Variants in SDK1 observed in about 807,000 individuals in gnomAD.
The protein encoded by SDK1 is sidekick cell adhesion molecule 1.
SDK1 carries 157 observed loss-of-function variants against 245.5 expected under a neutral mutation model. The observed-to-expected ratio is 0.64, with a 90% CI of 0.56 to 0.73. The LOEUF (loss-of-function observed/expected upper bound fraction) is 0.73. Ranked by LOEUF, SDK1 falls within the 30% of genes least tolerant of loss-of-function variation. SDK1 has a pLI of 0.00. For missense variants in SDK1, 3,583 were observed against 3,002.3 expected (o/e 1.19, Z -4.52); for synonymous variants, 1,647 against 1,278.5 (o/e 1.29, Z -6.15).
intron 1 of SDK1, among the ~76,000 whole-genome samples, chr7:3,371,784 C>T (rs762142490): frequency 6.6e-6 from 1 of 152,172 alleles, no homozygotes; most frequent in Admixed American, 6.5e-5. Flanking sequence ...AAACTGAAGT[C>T]ATCTGGAAAA....
chr7:3,441,043 G>A (rs1048860875), intron 1 of SDK1, among the ~76,000 whole-genome samples: 9 of 152,098 alleles, frequency 5.9e-5, no homozygotes, highest in African/African-American at 1.4e-4. Flanking sequence ...CAATGCATAC[G>A]TCTTTCACCC....
At chr7:4,166,662 A>G (rs564447197) in intron 32 of SDK1, among the ~76,000 whole-genome samples, 1 of 152,338 alleles carries the variant, frequency 6.6e-6, no homozygotes, top group African/African-American at 2.4e-5. Context: ...ACAGGATGGA[A>G]AGTGAAAGCT....
chr7:3,324,091 G>T (rs1212115061), intron 1 of SDK1, among the ~76,000 whole-genome samples: 1 of 152,116 alleles, frequency 6.6e-6, no homozygotes, highest in African/African-American at 2.4e-5. Context: ...GTAAAATCTG[G>T]TATCTATTCT....
chr7:3,993,568 T>C (rs1784502316), intron 14 of SDK1, among the ~76,000 whole-genome samples: 1 of 152,258 alleles, frequency 6.6e-6, no homozygotes, highest in Non-Finnish European at 1.5e-5. Flanking sequence ...TTTATTATTC[T>C]AGTTATGCAT....
chr7:3,605,063 T>A (rs1315708210), intron 1 of SDK1, among the ~76,000 whole-genome samples: 2 of 151,990 alleles, frequency 1.3e-5, no homozygotes, highest in South Asian at 2.1e-4. Context: ...TTCTTTTAAT[T>A]TTTTTTAGGT....
At chr7:4,142,352 A>C (rs1779633272) in intron 28 of SDK1, among the ~76,000 whole-genome samples, 1 of 152,190 alleles carries the variant, frequency 6.6e-6, no homozygotes, top group East Asian at 1.9e-4. Context: ...TGCTGGAGAC[A>C]GAGTCTTGCT....
At chr7:4,174,562 G>A (rs1311378107) in intron 33 of SDK1, among the ~76,000 whole-genome samples, 4 of 152,192 alleles carry the variant, frequency 2.6e-5, no homozygotes, top group African/African-American at 9.7e-5. Context: ...AGCTGCGGAG[G>A]CAGAGGGGCC....
intron 14 of SDK1, among the ~76,000 whole-genome samples, chr7:4,006,714 G>T (rs78796408): frequency 6.6e-6 from 1 of 152,278 alleles, no homozygotes; most frequent in East Asian, 1.9e-4. Context: ...AGAGGAAAAA[G>T]AATAAAGAAA....
intron 5 of SDK1, among the ~76,000 whole-genome samples, chr7:3,827,186 A>G (rs887605309): frequency 2.0e-5 from 3 of 152,144 alleles, no homozygotes; most frequent in African/African-American, 7.2e-5. Flanking sequence ...GAAGCTCAAT[A>G]TGCCCGGTTT....
chr7:4,009,900 G>A lies in SDK1; in HGVS notation c.2132-1066G>A, dbSNP rs149063657. Among the ~76,000 whole-genome samples the A allele has an allele frequency of 1.7e-3, 264 of 152,314 alleles. 1 individual carries two copies. Among genetic ancestry groups the A allele is most frequent in the Middle Eastern group, 0.014 (4 of 294 alleles). ...AATGAGCTCGCAGGCGCAGACTTAC[G>A]AATCCCCGCGGTTGGGGCTGCAGGT... On this transcript the variant is annotated intron_variant, in intron 14 of 44. Coordinates refer to ENST00000404826, the MANE Select transcript of SDK1 (RefSeq NM_152744.4).
intron 5 of SDK1, among the ~76,000 whole-genome samples, chr7:3,889,646 T>G (rs1781411550): frequency 6.6e-6 from 1 of 152,206 alleles, no homozygotes; most frequent in Non-Finnish European, 1.5e-5. Flanking sequence ...TAGCTGGGAC[T>G]ACAGGTGCCC....
intron 4 of SDK1, among the ~76,000 whole-genome samples, chr7:3,726,560 C>T (rs193114201): frequency 6.6e-6 from 1 of 152,292 alleles, no homozygotes; most frequent in Non-Finnish European, 1.5e-5. Flanking sequence ...TTATCCATTG[C>T]AAGGCAATTG....
chr7:3,374,400 A>G (rs1781303328), intron 1 of SDK1, among the ~76,000 whole-genome samples: 1 of 152,150 alleles, frequency 6.6e-6, no homozygotes, highest in African/African-American at 2.4e-5. Context: ...TTTTCTTCAC[A>G]TAAATCGTGT....
intron 16 of SDK1, among the ~76,000 whole-genome samples, chr7:4,012,977 T>C (rs1339812753): frequency 6.6e-6 from 1 of 152,226 alleles, no homozygotes; most frequent in Non-Finnish European, 1.5e-5. Context: ...ATGTAATTAT[T>C]AGCCAGTTGT....
At chr7:3,607,237 C>T (rs776105043) in intron 1 of SDK1, among the ~76,000 whole-genome samples, 29 of 152,040 alleles carry the variant, frequency 1.9e-4, no homozygotes, top group African/African-American at 6.3e-4. Flanking sequence ...CCTTTGGGTT[C>T]AGTGATAAAG....
At chr7:3,474,723 C>A (rs1583912803) in intron 1 of SDK1, among the ~76,000 whole-genome samples, 1 of 152,136 alleles carries the variant, frequency 6.6e-6, no homozygotes, top group South Asian at 2.1e-4. Flanking sequence ...CAGGGTCTTA[C>A]TCTGTCACCC....
Position 3,500,060 on chromosome 7 carries a change from C to A in SDK1, c.299-119020C>A, listed in dbSNP as rs1046556541. Reference sequence around the variant, plus strand: ...GTCCTGGTCAGGCTCACTGGGGTGTCTTGTCTTCAGGTTAAAAAGGTGGTT... The same window carrying A: ...GTCCTGGTCAGGCTCACTGGGGTGTATTGTCTTCAGGTTAAAAAGGTGGTT... On this transcript the variant is annotated intron_variant, in intron 1 of 44. Coordinates refer to ENST00000404826, the MANE Select transcript of SDK1 (RefSeq NM_152744.4). Among the ~76,000 whole-genome samples, 3 of 151,986 alleles carry A rather than the reference C, an allele frequency of 2.0e-5. No homozygotes were observed. The East Asian group carries it at 5.8e-4, about 29-fold the overall frequency.
intron 44 of SDK1, among the ~76,000 whole-genome samples, chr7:4,262,401 T>C (rs1315114142): frequency 6.6e-6 from 1 of 151,244 alleles, no homozygotes; most frequent in Non-Finnish European, 1.5e-5. Flanking sequence ...TTTCAGAAAA[T>C]GAACCTAGAA....
rs546804317 is a variant in SDK1, at chr7:3,521,448, C to T, written c.299-97632C>T. On this transcript the variant is annotated intron_variant, in intron 1 of 44. Coordinates refer to ENST00000404826, the MANE Select transcript of SDK1 (RefSeq NM_152744.4). ...TCTCATGTATACAAACATACTCTTT[C>T]TATCTGTTTAGCACTACAGTGGATA... 2.6e-5 allele frequency among the ~76,000 whole-genome samples: 4 copies of T among 152,314 alleles called. No homozygotes were observed. The South Asian group carries it at 8.3e-4, about 32-fold the overall frequency.
Sources: gnomAD v4.1 joint callset for allele counts (sites outside exome capture counted in the v4.1 genomes callset) on GRCh38, gnomAD v4.1.1 for gene constraint, MANE v1.5 for transcripts, NCBI Gene and HGNC (gene_info 2026-07-23, HGNC 2026-07-21) for gene names.